The following ADK variants were observed in gnomAD, a reference collection of about 807,000 sequenced individuals.
ADK encodes the protein adenosine kinase, also known as N6,N6-dimethyladenosine kinase.
In ADK, 24 loss-of-function variants were observed where a neutral mutation model predicts 44.7. The ratio of observed to expected loss-of-function variants is 0.54; its 90% CI spans 0.39 to 0.76. ADK has a LOEUF of 0.76. ADK is among the 30% of genes least tolerant of loss of function. The pLI is 0.00. For synonymous variants in ADK, 128 were observed against 142.6 expected (o/e 0.90, Z 0.73); for missense variants, 321 against 425.1 (o/e 0.76, Z 2.15).
Position 74,306,020 on chromosome 10 carries a change from T to A in ADK, c.195-8647T>A, listed in dbSNP as rs541229526. Among the ~76,000 whole-genome samples, 11 of 152,206 alleles carry A rather than the reference T, an allele frequency of 7.2e-5. No homozygotes were observed. The East Asian group carries it at 2.1e-3, about 29-fold the overall frequency. On this transcript the variant is annotated intron_variant, in intron 3 of 10. Coordinates refer to ENST00000539909, the MANE Select transcript of ADK (RefSeq NM_006721.4). Reference sequence around the variant, plus strand: ...GATTATAGTTGTGAGCCACCATGCCTGGTCAAGCCATTATTTTTTCAATTT... The same window carrying A: ...GATTATAGTTGTGAGCCACCATGCCAGGTCAAGCCATTATTTTTTCAATTT...
rs890815796 is a variant in ADK, at chr10:74,428,317, T to A, written c.555+29738T>A. Among the ~76,000 whole-genome samples the A allele has an allele frequency of 3.2e-4, 49 of 152,174 alleles. 2 individuals are homozygous for A. Among genetic ancestry groups the A allele is most frequent in the Non-Finnish European group, 1.5e-5 (1 of 68,022 alleles). ...TTCACTCAAATGACTGGCTTCAGTC[T>A]GGGGCAGGGTAGGTACAAGATGAAC... On this transcript the variant is annotated intron_variant, in intron 6 of 10. Coordinates refer to ENST00000539909, the MANE Select transcript of ADK (RefSeq NM_006721.4).
intron 7 of ADK, among the ~76,000 whole-genome samples, chr10:74,584,949 T>G (rs1017207968): frequency 3.3e-5 from 5 of 152,236 alleles, no homozygotes; most frequent in African/African-American, 1.2e-4. Flanking sequence ...AATTCTACTT[T>G]ATAAGTAAGA....
At chr10:74,520,121 C>T (rs1007307694) in intron 6 of ADK, among the ~76,000 whole-genome samples, 1 of 151,906 alleles carries the variant, frequency 6.6e-6, no homozygotes, top group Non-Finnish European at 1.5e-5. Flanking sequence ...CCAGTGCTTA[C>T]CCATTATTTT....
chr10:74,452,071 AT>A (rs2133191569), intron 6 of ADK, among the ~76,000 whole-genome samples: 1 of 152,146 alleles, frequency 6.6e-6, no homozygotes, highest in Admixed American at 6.5e-5. Context: ...TAAGCCATGT[AT>A]AATAATGCAT....
chr10:74,449,579 G>C (rs1845701342), intron 6 of ADK, among the ~76,000 whole-genome samples: 1 of 151,900 alleles, frequency 6.6e-6, no homozygotes, highest in Non-Finnish European at 1.5e-5. Flanking sequence ...TCTGTTTAGT[G>C]CCTAGTATTT....
intron 6 of ADK, among the ~76,000 whole-genome samples, chr10:74,433,683 A>C (rs566876260): frequency 4.4e-4 from 67 of 152,330 alleles, no homozygotes; most frequent in African/African-American, 1.6e-3. Flanking sequence ...ATAATCATTT[A>C]AGTCAGTCAT....
At chr10:74,406,085 G>T (rs757381944) in intron 6 of ADK, among the ~76,000 whole-genome samples, 1 of 152,138 alleles carries the variant, frequency 6.6e-6, no homozygotes, top group Non-Finnish European at 1.5e-5. Context: ...GGAAACTCTT[G>T]CAATAAACTG....
intron 6 of ADK, among the ~76,000 whole-genome samples, chr10:74,448,037 G>C (rs973440551): frequency 2.0e-5 from 3 of 152,120 alleles, no homozygotes; most frequent in Non-Finnish European, 4.4e-5. Context: ...GGCAGACGTG[G>C]TGATGCATGC....
At chr10:74,291,371 C>G (rs939659874) in intron 3 of ADK, among the ~76,000 whole-genome samples, 2 of 152,000 alleles carry the variant, frequency 1.3e-5, no homozygotes, top group Non-Finnish European at 2.9e-5. Flanking sequence ...GAGCTGAGAC[C>G]GCACCATTGC....
At chr10:74,507,577 T>C (rs906016773) in intron 6 of ADK, among the ~76,000 whole-genome samples, 1 of 151,938 alleles carries the variant, frequency 6.6e-6, no homozygotes, top group African/African-American at 2.4e-5. Flanking sequence ...ATCGTGCCAC[T>C]CCACTCCAGC....
At chr10:74,261,731 G>A (rs1159489332) in intron 3 of ADK, among the ~76,000 whole-genome samples, 1 of 152,084 alleles carries the variant, frequency 6.6e-6, no homozygotes, top group African/African-American at 2.4e-5. Flanking sequence ...ATGCCACACT[G>A]ATTGCTGATT....
chr10:74,581,776 GGAACACA>G (rs896113353), intron 7 of ADK, among the ~76,000 whole-genome samples: 2 of 152,160 alleles, frequency 1.3e-5, no homozygotes, highest in African/African-American at 4.8e-5. Context: ...GCTAGACCTT[GGAACACA>G]GAAGGAAAGA....
chr10:74,247,510 G>A (rs528283709), intron 3 of ADK, among the ~76,000 whole-genome samples: 4 of 152,092 alleles, frequency 2.6e-5, no homozygotes, highest in African/African-American at 7.2e-5. Flanking sequence ...ATGTTGGGAT[G>A]AGCCACCTTG....
At chr10:74,697,462 A>C (rs1349353656) in intron 10 of ADK, among the ~76,000 whole-genome samples, 1 of 152,152 alleles carries the variant, frequency 6.6e-6, no homozygotes, top group Non-Finnish European at 1.5e-5. Context: ...GCTTGAGCCC[A>C]GGAGTACAAA....
chr10:74,678,396 T>TA (rs1564848415), intron 10 of ADK, among the ~76,000 whole-genome samples: 1 of 152,130 alleles, frequency 6.6e-6, no homozygotes, highest in Non-Finnish European at 1.5e-5. Context: ...AGCCATGATT[T>TA]AAAAAAAGAG....
At chr10:74,356,297 C>A (rs535425736) in intron 4 of ADK, among the ~76,000 whole-genome samples, 1 of 151,992 alleles carries the variant, frequency 6.6e-6, no homozygotes, top group Non-Finnish European at 1.5e-5. Context: ...GGATTACAGG[C>A]GTGAGCCACC....
chr10:74,689,556 T>G (rs1274732335), intron 10 of ADK, among the ~76,000 whole-genome samples: 2 of 152,208 alleles, frequency 1.3e-5, no homozygotes, highest in African/African-American at 4.8e-5. Context: ...CTCTCAAACT[T>G]ACAAATTTGG....
intron 6 of ADK, among the ~76,000 whole-genome samples, chr10:74,498,409 A>C (rs562433563): frequency 3.3e-5 from 5 of 152,258 alleles, no homozygotes; most frequent in Non-Finnish European, 7.3e-5. Flanking sequence ...TACAGAAAGT[A>C]AAACCATAAG....
intron 10 of ADK, among the ~76,000 whole-genome samples, chr10:74,685,041 T>G (rs1855740332): frequency 6.6e-6 from 1 of 152,222 alleles, no homozygotes; most frequent in East Asian, 1.9e-4. Context: ...CATTAGCTAC[T>G]GAGCTTCATG....
Sources: allele counts gnomAD v4.1 joint callset (sites outside exome capture counted in the v4.1 genomes callset), GRCh38; gene constraint gnomAD v4.1.1; transcripts MANE v1.5; gene names NCBI Gene and HGNC (gene_info 2026-07-23, HGNC 2026-07-21).